The following USP42 variants were observed in gnomAD, a reference collection of about 807,000 sequenced individuals.
USP42 encodes the protein ubiquitin specific peptidase 42, also known as ubiquitin carboxyl-terminal hydrolase 42.
USP42 carries 23 observed loss-of-function variants against 113.0 expected under a neutral mutation model. That is an observed-to-expected ratio of 0.20 (90% CI 0.15 to 0.29). The LOEUF (loss-of-function observed/expected upper bound fraction) is 0.29. Among genes scored for constraint, USP42 ranks in the 10% least tolerant of loss-of-function variants. USP42 has a pLI of 1.00. For missense variants in USP42, 2,174 were observed against 1,779.8 expected, an observed-to-expected ratio of 1.22 and a Z score of -3.99; for synonymous variants, 933 against 699.0, an observed-to-expected ratio of 1.33 and a Z score of -5.28.
chr7:6,141,082 A>G, intron 7 of USP42, 98 bp downstream of exon 7: 1 of 566,748 alleles, frequency 1.8e-6, no homozygotes, highest in Non-Finnish European at 3.0e-6. Context: ...TAGAGAATAT[A>G]AATTGAAAAA....
chr7:6,138,547 C>T (rs1781273887), intron 4 of USP42, among the ~76,000 whole-genome samples: 1 of 152,198 alleles, frequency 6.6e-6, no homozygotes, highest in Non-Finnish European at 1.5e-5. Flanking sequence ...TCTAGACTCT[C>T]AGAAACTCTA....
At chr7:6,106,665 A>G (rs1314057935) in intron 1 of USP42, among the ~76,000 whole-genome samples, 1 of 152,066 alleles carries the variant, frequency 6.6e-6, no homozygotes, top group African/African-American at 2.4e-5. Context: ...CCTGAGCTCC[A>G]GCAGTCCTCC....
At chr7:6,155,333 T>G in intron 15 of USP42, 138 bp downstream of exon 15, 1 of 1,385,560 alleles carries the variant, frequency 7.2e-7, no homozygotes, top group Non-Finnish European at 9.4e-7. Flanking sequence ...TTCATTTCTG[T>G]GGGTTTTGAG....
At chr7:6,096,540 G>A in the USP42 span, among the ~76,000 whole-genome samples, 2 of 151,324 alleles carry the variant, frequency 1.3e-5, no homozygotes, top group East Asian at 3.8e-4. Context: ...AGGTTCATCT[G>A]TACGTTGTTG....
rs545475146 is a variant in USP42 at position 6,118,891 on chromosome 7, C to T, written c.442+3368C>T. Among the ~76,000 whole-genome samples, 6 of 152,060 alleles carry T rather than the reference C, an allele frequency of 3.9e-5. No homozygotes were observed. The South Asian group carries it at 6.2e-4, about 16-fold the overall frequency. ...ACTGATCACTTGTTTGTCTTGACAC[C>T]GTAACACAATGTTTTGATTACTATA... On this transcript the variant is annotated intron_variant, in intron 3 of 17. Coordinates refer to ENST00000306177, the MANE Select transcript of USP42 (RefSeq NM_032172.3).
chr7:6,144,340 G>A (rs894876100), intron 9 of USP42, 144 bp downstream of exon 9: 5 of 600,534 alleles, frequency 8.3e-6, no homozygotes, highest in Admixed American at 3.8e-5. Context: ...TGTCTGTTTT[G>A]TTGGTACCCG....
chr7:6,107,661 G>T (rs901276930), intron 1 of USP42, among the ~76,000 whole-genome samples: 13 of 152,114 alleles, frequency 8.5e-5, no homozygotes, highest in African/African-American at 2.2e-4. Flanking sequence ...TGCCCGCCTC[G>T]TCCTCCCAAA....
chr7:6,127,676 T>C (rs996530285), intron 3 of USP42, among the ~76,000 whole-genome samples: 2 of 152,256 alleles, frequency 1.3e-5, no homozygotes, highest in African/African-American at 4.8e-5. Context: ...ACTGTAGTTA[T>C]GTAGTAAGTC....
chr7:6,159,058 C>A lies in USP42; in HGVS notation c.3944-392C>A, dbSNP rs776640743. On this transcript the variant is annotated intron_variant, in intron 16 of 17. Transcript: ENST00000306177. The surrounding 1 kb of genome is among the most constrained non-coding windows in gnomAD (Gnocchi z 4.1). ...AGCCTTTCTTGTCCTTCTGAGAAGG[C>A]CGCTGCCCGGCCCCGCCTCACCCAG... Among the ~76,000 whole-genome samples the A allele has an allele frequency of 6.6e-6, 1 of 152,184 alleles. No homozygotes were observed. The highest frequency in any genetic ancestry group is 1.5e-5 in the Non-Finnish European group (1 of 68,030).
At chr7:6,141,896 G>A (rs1373969575) in intron 7 of USP42, among the ~76,000 whole-genome samples, 1 of 152,112 alleles carries the variant, frequency 6.6e-6, no homozygotes, top group African/African-American at 2.4e-5. Flanking sequence ...AGAATGTATT[G>A]TTCACTTTTT....
intron 14 of USP42, 56 bp from the exon 15 acceptor site, chr7:6,153,700 A>G (rs1782204443): frequency 2.1e-6 from 3 of 1,419,908 alleles, no homozygotes; most frequent in African/African-American, 3.0e-5. Context: ...TAATGCAATG[A>G]CATGAGCCTG....
the USP42 span, among the ~76,000 whole-genome samples, chr7:6,088,072 G>C: frequency 1.3e-5 from 2 of 151,028 alleles, no homozygotes; most frequent in Non-Finnish European, 2.9e-5. Flanking sequence ...GGCCAAGGCA[G>C]GAGGATTGCT....
At chr7:6,127,453 G>GT (rs550990235) in intron 3 of USP42, among the ~76,000 whole-genome samples, 188 of 144,358 alleles carry the variant, frequency 1.3e-3, no homozygotes, top group Admixed American at 3.0e-3. Context: ...TCCATTTTGA[G>GT]TTTTTTTTTT....
Position 6,111,264 on chromosome 7 carries a change from T to C in USP42, c.131T>C (p.Leu44Ser), listed in dbSNP as rs1444790665. 7.5e-6 allele frequency: 12 copies of C among 1,608,260 alleles called. No individual in the cohort carries two copies. Among genetic ancestry groups the C allele is most frequent in the Non-Finnish European group, 1.0e-5 (12 of 1,177,022 alleles). Reference sequence around the variant, plus strand: ...GCCAGCTGGGGTGCTGTGTCTTCATTGAATGATGTGTCAAATCACACACTT... The same window carrying C: ...GCCAGCTGGGGTGCTGTGTCTTCATCGAATGATGTGTCAAATCACACACTT... Reference protein sequence around the residue: ...GSASWGAVSSLNDVSNHTLSL... With the variant: ...GSASWGAVSSSNDVSNHTLSL... Residue 44 changes from leucine to serine, a missense_variant, in exon 2 of 18, where the codon TTG (leucine) becomes TCG (serine). By Grantham distance (145) the Leu-to-Ser change is moderately radical (BLOSUM62 -2). Coordinates refer to ENST00000306177, the MANE Select transcript of USP42 (RefSeq NM_032172.3).
At chr7:6,094,047 AT>A in the USP42 span, among the ~76,000 whole-genome samples, 2 of 149,744 alleles carry the variant, frequency 1.3e-5, no homozygotes, top group African/African-American at 2.5e-5. Flanking sequence ...CACCCGGCTA[AT>A]TTTTTTTGTA....
chr7:6,117,809 CTCTTT>C (rs1450410337), intron 3 of USP42, among the ~76,000 whole-genome samples: 1 of 152,098 alleles, frequency 6.6e-6, no homozygotes, highest in Non-Finnish European at 1.5e-5. Flanking sequence ...AATGCTGAAC[CTCTTT>C]TCTTTTTTGT....
chr7:6,114,825 G>C (rs930354599), intron 2 of USP42, among the ~76,000 whole-genome samples: 1 of 150,218 alleles, frequency 6.7e-6, no homozygotes, highest in African/African-American at 2.4e-5. Flanking sequence ...CTAGTAGCTA[G>C]GACTACAGGT....
chr7:6,132,571 C>T (rs1437050413), intron 3 of USP42, among the ~76,000 whole-genome samples: 1 of 151,922 alleles, frequency 6.6e-6, no homozygotes, highest in East Asian at 1.9e-4. Flanking sequence ...GTTAGCCAGG[C>T]TGGTCTCAAA....
At chr7:6,124,347 A>C (rs1407046235) in intron 3 of USP42, among the ~76,000 whole-genome samples, 1 of 151,860 alleles carries the variant, frequency 6.6e-6, no homozygotes, top group African/African-American at 2.4e-5. Context: ...GGCTCACTGC[A>C]ACCTTCACTT....
Sources: gnomAD v4.1 joint callset for allele counts (sites outside exome capture counted in the v4.1 genomes callset) on GRCh38, gnomAD v4.1.1 for gene constraint, Gnocchi (gnomAD v3.1) non-coding constraint, MANE v1.5 for transcripts, NCBI Gene and HGNC (gene_info 2026-07-23, HGNC 2026-07-21) for gene names.